Variants in KCNIP4 observed in about 807,000 individuals in gnomAD.
The protein encoded by KCNIP4 is Kv channel-interacting protein 4.
A neutral mutation model predicts 34.0 loss-of-function variants in KCNIP4; 12 were observed. The ratio of observed to expected loss-of-function variants is 0.35; its 90% CI spans 0.23 to 0.57. KCNIP4 has a LOEUF of 0.57. KCNIP4 is among the 20% of genes least tolerant of loss of function. The probability of loss-of-function intolerance (pLI) is 0.83; values close to 1 mark genes in which losing one functional copy is unlikely to be tolerated. For synonymous variants in KCNIP4, 124 were observed against 102.2 expected, an observed-to-expected ratio of 1.21 and a Z score of -1.29; for missense variants, 238 against 311.7, an observed-to-expected ratio of 0.76 and a Z score of 1.78.
intron 3 of KCNIP4, among the ~76,000 whole-genome samples, chr4:20,763,983 C>G (rs1215987764): frequency 6.6e-6 from 1 of 152,136 alleles, no homozygotes; most frequent in Non-Finnish European, 1.5e-5. Flanking sequence ...AATGTTTGAG[C>G]ATGAATTTTT....
chr4:20,741,276 C>T (rs1312593686), intron 5 of KCNIP4, among the ~76,000 whole-genome samples: 1 of 152,176 alleles, frequency 6.6e-6, no homozygotes, highest in Non-Finnish European at 1.5e-5. Context: ...AGATTCTTCT[C>T]AGCACTACGT....
intron 1 of KCNIP4, among the ~76,000 whole-genome samples, chr4:21,187,426 A>G (rs1755315334): frequency 6.6e-6 from 1 of 152,242 alleles, no homozygotes; most frequent in Admixed American, 6.5e-5. Flanking sequence ...GGCAAATTGT[A>G]AAGTGCTGTA....
At chr4:21,738,416 A>G (rs1331112013) in intron 1 of KCNIP4, among the ~76,000 whole-genome samples, 1 of 152,180 alleles carries the variant, frequency 6.6e-6, no homozygotes, top group Non-Finnish European at 1.5e-5. Context: ...TAAATGGGAA[A>G]TTGCTGACTT....
At chr4:21,807,954 C>A (rs1447748591) in intron 1 of KCNIP4, among the ~76,000 whole-genome samples, 1 of 151,984 alleles carries the variant, frequency 6.6e-6, no homozygotes, top group South Asian at 2.1e-4. Context: ...TCCCTAAAAG[C>A]TAGGTTTACA....
intron 1 of KCNIP4, among the ~76,000 whole-genome samples, chr4:20,888,627 T>A (rs914747997): frequency 6.6e-6 from 1 of 152,170 alleles, no homozygotes; most frequent in East Asian, 1.9e-4. Flanking sequence ...TAAACACTCT[T>A]TGTTTTCATT....
chr4:21,437,880 AGTGTGTGTGT>A (rs71655635), intron 1 of KCNIP4, among the ~76,000 whole-genome samples: 4,816 of 143,326 alleles, frequency 0.034, 95 homozygotes, highest in African/African-American at 0.041. Flanking sequence ...TTATTTTACA[AGTGTGTGTGT>A]GTGTGTGTGT....
intron 1 of KCNIP4, among the ~76,000 whole-genome samples, chr4:21,730,347 T>C (rs1400063173): frequency 6.6e-6 from 1 of 152,168 alleles, no homozygotes; most frequent in African/African-American, 2.4e-5. Flanking sequence ...CTCCTTTTTC[T>C]AGACTCTGAC....
chr4:21,189,091 T>A, intron 1 of KCNIP4, among the ~76,000 whole-genome samples: 1 of 152,260 alleles, frequency 6.6e-6, no homozygotes, highest in Non-Finnish European at 1.5e-5. Context: ...TGCAGAGCTA[T>A]TGTAAAAAGA....
intron 1 of KCNIP4, among the ~76,000 whole-genome samples, chr4:21,659,449 T>C (rs1194307982): frequency 6.6e-6 from 1 of 152,184 alleles, no homozygotes; most frequent in Non-Finnish European, 1.5e-5. Context: ...GTTACCTTAC[T>C]AGTTTTTCAA....
At chr4:21,899,357 T>C (rs1395610473) in intron 1 of KCNIP4, among the ~76,000 whole-genome samples, 3 of 152,124 alleles carry the variant, frequency 2.0e-5, no homozygotes, top group African/African-American at 7.2e-5. Context: ...ACTGAAAGCT[T>C]TTCCTGTAAC....
At chr4:21,484,284 A>C (rs1015970295) in intron 1 of KCNIP4, among the ~76,000 whole-genome samples, 2 of 151,930 alleles carry the variant, frequency 1.3e-5, no homozygotes, top group Non-Finnish European at 2.9e-5. Context: ...AAAATTAGCC[A>C]GGTGTGGTGG....
intron 1 of KCNIP4, among the ~76,000 whole-genome samples, chr4:21,900,062 T>C (rs924779834): frequency 6.6e-6 from 1 of 152,136 alleles, no homozygotes; most frequent in African/African-American, 2.4e-5. Context: ...AGCAGACACA[T>C]AGACCTATAG....
chr4:21,416,238 G>A (rs1560383850), intron 1 of KCNIP4, among the ~76,000 whole-genome samples: 1 of 152,116 alleles, frequency 6.6e-6, no homozygotes, highest in African/African-American at 2.4e-5. Context: ...TTAATATAAG[G>A]GTAGTGGCAC....
chr4:21,688,896 T>C (rs1042346904), intron 1 of KCNIP4, among the ~76,000 whole-genome samples: 6 of 152,004 alleles, frequency 3.9e-5, no homozygotes, highest in Admixed American at 3.9e-4. Flanking sequence ...CAGAGGAACA[T>C]ATTTTACAGT....
intron 3 of KCNIP4, among the ~76,000 whole-genome samples, chr4:20,792,363 T>G (rs1441081569): frequency 6.6e-6 from 1 of 151,350 alleles, no homozygotes; most frequent in African/African-American, 2.4e-5. Flanking sequence ...AGACTCCATC[T>G]CAAAAAAACA....
intron 1 of KCNIP4, among the ~76,000 whole-genome samples, chr4:21,111,426 G>A (rs1897664): frequency 0.29 from 44,269 of 152,076 alleles, 7,105 homozygotes; most frequent in African/African-American, 0.44. Flanking sequence ...ATCCCAAACA[G>A]ATTTAGAGAG....
chr4:20,826,119 C>A (rs1356845354), intron 3 of KCNIP4, among the ~76,000 whole-genome samples: 1 of 151,942 alleles, frequency 6.6e-6, no homozygotes, highest in Non-Finnish European at 1.5e-5. Context: ...TGCAAGACCT[C>A]ACTTTCAAAA....
At chr4:20,837,349 G>A (rs1021325158) in intron 3 of KCNIP4, among the ~76,000 whole-genome samples, 7 of 151,936 alleles carry the variant, frequency 4.6e-5, no homozygotes, top group African/African-American at 1.7e-4. Context: ...CAAAGCTTTG[G>A]CAACATATTT....
chr4:21,925,833 G>C (rs16872134), intron 1 of KCNIP4, among the ~76,000 whole-genome samples: 39,121 of 152,052 alleles, frequency 0.26, 5,934 homozygotes, highest in East Asian at 0.62. Flanking sequence ...CCAGTGTCTG[G>C]CATATAATTC....
Sources: gnomAD v4.1 joint callset for allele counts (sites outside exome capture counted in the v4.1 genomes callset) on GRCh38, gnomAD v4.1.1 for gene constraint, MANE v1.5 for transcripts, NCBI Gene and HGNC (gene_info 2026-07-23, HGNC 2026-07-21) for gene names.